COL4A6: variants seen among roughly 807,000 people sequenced by gnomAD.
COL4A6 encodes the protein collagen type IV alpha 6 chain, also known as collagen alpha-6(IV) chain.
In COL4A6, 59 loss-of-function variants were observed where a neutral mutation model predicts 126.7. The ratio of observed to expected loss-of-function variants is 0.47; its 90% CI spans 0.38 to 0.58. The LOEUF (loss-of-function observed/expected upper bound fraction) is 0.58. COL4A6 is among the 20% of genes least tolerant of loss of function. COL4A6 has a pLI of 0.00. For synonymous variants in COL4A6, 547 were observed against 496.6 expected (o/e 1.10, Z -1.35); for missense variants, 1,285 against 1,337.3 (o/e 0.96, Z 0.61).
chrX:108,310,204 C>T (rs1249235838), intron 3 of COL4A6, among the ~76,000 whole-genome samples: 4 of 111,756 alleles, frequency 3.6e-5, no homozygotes, highest in African/African-American at 3.3e-5. Context: ...GGACAATACA[C>T]GGACTGTGTC....
chrX:108,202,782 A>G, intron 13 of COL4A6, 146 bp downstream of exon 13: 1 of 520,040 alleles, frequency 1.9e-6, no homozygotes, highest in Non-Finnish European at 3.3e-6. Context: ...AGAAACAAGA[A>G]CATCTCCTTA....
At chrX:108,359,644 T>C (rs1053025575) in intron 2 of COL4A6, among the ~76,000 whole-genome samples, 2 of 112,459 alleles carry the variant, frequency 1.8e-5, no homozygotes, top group Non-Finnish European at 3.7e-5. Flanking sequence ...GCCTACTTTG[T>C]GTTTCAGGAC....
At chrX:108,326,629 A>T (rs1310752174) in intron 2 of COL4A6, among the ~76,000 whole-genome samples, 3 of 112,585 alleles carry the variant, frequency 2.7e-5, no homozygotes, top group Admixed American at 9.4e-5. Context: ...GTCCAGAAAT[A>T]GAGCCACATA....
intron 3 of COL4A6, among the ~76,000 whole-genome samples, chrX:108,309,390 G>A (rs1033042157): frequency 3.6e-5 from 4 of 110,590 alleles, no homozygotes; most frequent in African/African-American, 1.3e-4. Flanking sequence ...TGTGATCCCA[G>A]GAAGTAATTT....
chrX:108,213,446 C>T (rs1260630796), intron 6 of COL4A6, among the ~76,000 whole-genome samples: 1 of 112,124 alleles, frequency 8.9e-6, no homozygotes, highest in Non-Finnish European at 1.9e-5. Flanking sequence ...AGTGGTGACA[C>T]TGGAATCCAA....
Position 108,265,498 on chromosome X carries a change from A to G in COL4A6, c.145-44124T>C, listed in dbSNP as rs2037277624. ...TAAATGCCTGGGGCTGCAAAGATAC[A>G]TGGTGCTAAGGGATTACGTGTCTGA... is the stretch of plus-strand genomic sequence containing the variant. On this transcript the variant is annotated intron_variant, in intron 3 of 44. Transcript: ENST00000334504. 6.3e-5 allele frequency among the ~76,000 whole-genome samples: 7 copies of G among 110,424 alleles called. No homozygotes were observed. In the Admixed American group the frequency reaches 6.8e-4, roughly 11 times the overall value.
chrX:108,420,208 G>A (rs2041507669), intron 2 of COL4A6, among the ~76,000 whole-genome samples: 1 of 111,493 alleles, frequency 9.0e-6, no homozygotes, highest in Admixed American at 9.5e-5. Context: ...AATGGTGTAT[G>A]AGAAAAAAGT....
At chrX:108,223,210 T>C (rs894874747) in intron 3 of COL4A6, among the ~76,000 whole-genome samples, 1 of 110,707 alleles carries the variant, frequency 9.0e-6, no homozygotes, top group Non-Finnish European at 1.9e-5. Flanking sequence ...GAGGGGAACA[T>C]CACACATGCG....
chrX:108,370,835 A>T (rs1199757074), intron 2 of COL4A6, among the ~76,000 whole-genome samples: 1 of 110,641 alleles, frequency 9.0e-6, no homozygotes, highest in Non-Finnish European at 1.9e-5. Flanking sequence ...TTACTTACCA[A>T]TCTCCCTTAC....
intron 25 of COL4A6, 55 bp downstream of exon 25, chrX:108,180,460 C>T: frequency 1.0e-6 from 1 of 996,760 alleles, no homozygotes; most frequent in African/African-American, 1.9e-5. Flanking sequence ...CACACACACA[C>T]ACACACACAC....
At chrX:108,394,461 C>T (rs914418870) in intron 2 of COL4A6, among the ~76,000 whole-genome samples, 2 of 110,510 alleles carry the variant, frequency 1.8e-5, no homozygotes, top group African/African-American at 6.6e-5. Flanking sequence ...AAAGTAATGG[C>T]GAAAACTTCA....
rs149662228 is a variant in COL4A6, at chrX:108,160,563, C to T, written c.4425G>A (p.Ser1475=). The T allele has an allele frequency of 7.5e-5, 91 of 1,209,958 alleles. No homozygotes were observed. The African/African-American group carries it at 9.6e-4, about 13-fold the overall frequency. ...CGATGGGACACGGGGGCACCTGTTCCGACTGGCTGTGCTTTACCAACGTGT... is the reference window on the plus strand; with the variant it reads ...CGATGGGACACGGGGGCACCTGTTCTGACTGGCTGTGCTTTACCAACGTGT... ...VGYTLVKHSQ[S]EQVPPCPIGM... Residue 1475 remains serine (S), a synonymous_variant, in exon 43 of 45, where the codon TCG becomes TCA. Transcript: ENST00000334504.
intron 2 of COL4A6, among the ~76,000 whole-genome samples, chrX:108,435,822 T>C (rs913820505): frequency 8.9e-6 from 1 of 112,120 alleles, no homozygotes; most frequent in African/African-American, 3.2e-5. Context: ...GACTTTCTCA[T>C]AGCAAAACAC....
At chrX:108,273,001 T>C (rs1303941687) in intron 3 of COL4A6, among the ~76,000 whole-genome samples, 2 of 110,344 alleles carry the variant, frequency 1.8e-5, no homozygotes, top group East Asian at 2.8e-4. Context: ...TTGTTACATA[T>C]GTATACATGT....
rs2064333040 is a variant in COL4A6, at chrX:108,431,486, G to A, written c.63+6456C>T. ...ATTCTGGGGAAGTGTGTTTTTGGTC[G>A]CAGATGGGATGGTTGTGCCATGTTA... On this transcript the variant is annotated intron_variant, in intron 2 of 44. Coordinates refer to ENST00000334504, the MANE Select transcript of COL4A6 (RefSeq NM_033641.4). Among the ~76,000 whole-genome samples, 3 of 111,831 alleles carry A rather than the reference G, an allele frequency of 2.7e-5. No homozygotes were observed. In the Admixed American group the frequency reaches 2.8e-4, roughly 11 times the overall value.
At chrX:108,423,997 G>A (rs1022014400) in intron 2 of COL4A6, among the ~76,000 whole-genome samples, 2 of 111,403 alleles carry the variant, frequency 1.8e-5, no homozygotes, top group African/African-American at 6.5e-5. Flanking sequence ...GTCCACAGTC[G>A]TTTCCCTTTA....
chrX:108,416,645 G>C, intron 2 of COL4A6, among the ~76,000 whole-genome samples: 1 of 111,957 alleles, frequency 8.9e-6, no homozygotes, highest in Non-Finnish European at 1.9e-5. Flanking sequence ...CTAAGATTTA[G>C]ATAGAAATTA....
At chrX:108,165,315 C>A in intron 38 of COL4A6, 55 bp downstream of exon 38, 1 of 1,045,778 alleles carries the variant, frequency 9.6e-7, no homozygotes, top group South Asian at 1.9e-5. Context: ...CATGACTTCC[C>A]CAAATGTCAG....
At chrX:108,231,077 C>CTACA (rs112392457) in intron 3 of COL4A6, among the ~76,000 whole-genome samples, 8,259 of 105,773 alleles carry the variant, frequency 0.078, 325 homozygotes, top group East Asian at 0.18. Context: ...CCCTTTCCAT[C>CTACA]TACATACATA....
Sources: gnomAD v4.1 joint callset for allele counts (sites outside exome capture counted in the v4.1 genomes callset) on GRCh38, gnomAD v4.1.1 for gene constraint, MANE v1.5 for transcripts, NCBI Gene and HGNC (gene_info 2026-07-23, HGNC 2026-07-21) for gene names.